KLHL7: variants seen among roughly 807,000 people sequenced by gnomAD.
The protein encoded by KLHL7 is kelch like family member 7, also known as kelch-like protein 7.
KLHL7 carries 44 observed loss-of-function variants against 67.4 expected under a neutral mutation model. That is an observed-to-expected ratio of 0.65 (90% CI 0.51 to 0.84). KLHL7 has a LOEUF of 0.84. Ranked by LOEUF, KLHL7 falls within the 40% of genes least tolerant of loss-of-function variation. KLHL7 has a pLI of 0.00. For synonymous variants in KLHL7, 252 were observed against 243.3 expected, an observed-to-expected ratio of 1.04 and a Z score of -0.33; for missense variants, 362 against 718.1, an observed-to-expected ratio of 0.50 and a Z score of 5.67.
chr7:23,132,370 C>T (rs909339765), intron 4 of KLHL7, among the ~76,000 whole-genome samples: 5 of 152,178 alleles, frequency 3.3e-5, no homozygotes. Context: ...GATGATATCT[C>T]ATTATAGTTT....
At chr7:23,145,829 C>T (rs762546518) in intron 6 of KLHL7, among the ~76,000 whole-genome samples, 39 of 152,348 alleles carry the variant, frequency 2.6e-4, no homozygotes, top group African/African-American at 6.5e-4. Flanking sequence ...CTGTCCGGCA[C>T]GAGTGATCCT....
At chr7:23,156,150 TA>T in intron 7 of KLHL7, 1 of 276,428 alleles carries the variant, frequency 3.6e-6, no homozygotes, top group Non-Finnish European at 7.3e-6. Flanking sequence ...GAACTACCAA[TA>T]AAAACATTTT....
intron 1 of KLHL7, among the ~76,000 whole-genome samples, chr7:23,110,222 T>C (rs1782808909): frequency 6.6e-6 from 1 of 152,178 alleles, no homozygotes; most frequent in South Asian, 2.1e-4. Context: ...TAAATAGAAG[T>C]CATTAGTCTA....
chr7:23,152,134 A>G lies in KLHL7; in HGVS notation c.861A>G (p.Arg287=). 6.2e-7 allele frequency: 1 copy of G among 1,613,948 alleles called. No homozygotes were observed. The highest frequency in any genetic ancestry group is 8.5e-7 in the Non-Finnish European group (1 of 1,179,816). The change falls in exon 7 of 11, where the codon AGA becomes AGG. Residue 287 remains arginine (R), a synonymous_variant. Transcript: ENST00000339077. ...AACTTGTAGATGGCACAAGACCTAG[A>G]AGAAAGAAACATGACTACCGCATAG... ...REELVDGTRP[R]RKKHDYRIAL...
intron 1 of KLHL7, among the ~76,000 whole-genome samples, chr7:23,114,007 A>G (rs1782987134): frequency 6.6e-6 from 1 of 152,228 alleles, no homozygotes; most frequent in Non-Finnish European, 1.5e-5. Flanking sequence ...CTGAAAGGAA[A>G]TGAGGCATCT....
chr7:23,123,409 CA>C (rs1470081575), intron 1 of KLHL7, among the ~76,000 whole-genome samples: 3 of 150,468 alleles, frequency 2.0e-5, no homozygotes, highest in African/African-American at 7.4e-5. Flanking sequence ...GTCAGGGTGT[CA>C]GGGGCACTGC....
intron 1 of KLHL7, among the ~76,000 whole-genome samples, chr7:23,116,176 T>A (rs1783079563): frequency 6.6e-6 from 1 of 152,232 alleles, no homozygotes; most frequent in Admixed American, 6.5e-5. Context: ...TAAGATCCTG[T>A]CATGCTGTGA....
rs1286775644 is a variant in KLHL7 at position 23,105,982 on chromosome 7, T to G, written c.-45T>G. 8.8e-6 allele frequency: 14 copies of G among 1,594,642 alleles called. No homozygotes were observed. Among genetic ancestry groups the G allele is most frequent in the Admixed American group, 5.3e-5 (3 of 56,852 alleles). On this transcript the variant is annotated 5_prime_UTR_variant, in exon 1 of 11. Transcript: ENST00000339077. ...CAGTGTGCCCAGAGAGTGCGACCCC[T>G]CGCCCGGCCCGGCGAGCCCCGGGCG...
chr7:23,125,264 C>A, intron 4 of KLHL7, 92 bp downstream of exon 4: 1 of 1,323,188 alleles, frequency 7.6e-7, no homozygotes, highest in Non-Finnish European at 1.1e-6. Context: ...TAAGTATCCG[C>A]ATTTAACCTT....
rs1289106265 is a variant in KLHL7 at position 23,143,884 on chromosome 7, G to A, written c.652G>A (p.Asp218Asn). The part of the protein sequence containing the change: ...YDAAVRWLKY[D>N]EPNRQPFMVD... ...TGCTGCAGTCAGGTGGTTGAAATAC[G>A]ATGAACCTAATCGCCAGCCATTTAT... The change falls in exon 6 of 11, where the codon GAT becomes AAT. Residue 218 changes from aspartate to asparagine, a missense_variant. Coordinates refer to ENST00000339077, the MANE Select transcript of KLHL7 (RefSeq NM_001031710.3). 6.2e-7 allele frequency: 1 copy of A among 1,614,120 alleles called. No individual in the cohort carries two copies. The highest frequency in any genetic ancestry group is 1.3e-5 in the African/African-American group (1 of 75,050).
intron 4 of KLHL7, among the ~76,000 whole-genome samples, chr7:23,126,560 C>A (rs1010623232): frequency 6.6e-6 from 1 of 152,154 alleles, no homozygotes; most frequent in African/African-American, 2.4e-5. Context: ...TGCTAAATGA[C>A]AAGAACGCAA....
At chr7:23,123,258 C>G (rs111373765) in intron 1 of KLHL7, among the ~76,000 whole-genome samples, 7 of 152,176 alleles carry the variant, frequency 4.6e-5, no homozygotes, top group African/African-American at 1.7e-4. Flanking sequence ...CATCTCCTCT[C>G]TGTATTCTGA....
intron 4 of KLHL7, among the ~76,000 whole-genome samples, chr7:23,134,640 T>C (rs1783913669): frequency 6.6e-6 from 1 of 152,184 alleles, no homozygotes; most frequent in Non-Finnish European, 1.5e-5. Flanking sequence ...TACTTGTTAT[T>C]GATATGTTCA....
chr7:23,123,382 G>C (rs951910376), intron 1 of KLHL7, among the ~76,000 whole-genome samples: 2 of 151,642 alleles, frequency 1.3e-5, no homozygotes, highest in South Asian at 4.2e-4. Context: ...AAAACTAATT[G>C]CTGTGTTTGA....
rs1234236098 is a variant in KLHL7 at position 23,140,842 on chromosome 7, C to T, written c.516C>T (p.His172=). The part of the protein sequence containing the change: ...KATADDFIHQ[H]FTEVYKTDEF... ...CTGCAGATGACTTTATTCATCAGCACTTTACTGAAGTTTACAAAACTGATG... is the reference window on the plus strand; with the variant it reads ...CTGCAGATGACTTTATTCATCAGCATTTTACTGAAGTTTACAAAACTGATG... Residue 172 remains histidine, a synonymous_variant, in exon 5 of 11, where the codon CAC becomes CAT. Coordinates refer to ENST00000339077, the MANE Select transcript of KLHL7 (RefSeq NM_001031710.3). 6.2e-7 allele frequency: 1 copy of T among 1,613,714 alleles called. No individual in the cohort carries two copies. The highest frequency in any genetic ancestry group is 1.3e-5 in the African/African-American group (1 of 75,046).
At chr7:23,149,272 A>C (rs1203007899) in intron 6 of KLHL7, among the ~76,000 whole-genome samples, 3 of 152,150 alleles carry the variant, frequency 2.0e-5, no homozygotes, top group Non-Finnish European at 4.4e-5. Flanking sequence ...AAAGATACCA[A>C]AGTGTCCCCC....
rs1258758117 is a variant in KLHL7 at position 23,174,092 on chromosome 7, G to A, written c.1555G>A (p.Val519Ile). 1 of 1,614,186 alleles carries A rather than the reference G, an allele frequency of 6.2e-7. No individual in the cohort carries two copies. The highest frequency in any genetic ancestry group is 8.5e-7 in the Non-Finnish European group (1 of 1,180,002). Residue 519 changes from valine to isoleucine, a missense_variant, in exon 11 of 11, where the codon GTA (valine) becomes ATA (isoleucine). Transcript: ENST00000339077. ...KMVSPMPWKG[V>I]TVKCAAVGSI... The stretch of plus-strand genomic sequence containing the variant: ...GGTCTCACCAATGCCATGGAAGGGT[G>A]TAACAGTGAAATGTGCAGCAGTTGG...
intron 1 of KLHL7, among the ~76,000 whole-genome samples, chr7:23,115,058 G>T (rs1398351203): frequency 6.6e-6 from 1 of 152,196 alleles, no homozygotes; most frequent in Non-Finnish European, 1.5e-5. Context: ...GCGTTTGCTT[G>T]AGTGTTTGGG....
At chr7:23,138,000 A>T (rs939413041) in intron 4 of KLHL7, among the ~76,000 whole-genome samples, 10 of 150,622 alleles carry the variant, frequency 6.6e-5, no homozygotes, top group Non-Finnish European at 1.0e-4. Context: ...ACATGGTAAA[A>T]CCCCACCTCT....
Sources: gnomAD v4.1 joint callset for allele counts (sites outside exome capture counted in the v4.1 genomes callset) on GRCh38, gnomAD v4.1.1 for gene constraint, MANE v1.5 for transcripts, NCBI Gene and HGNC (gene_info 2026-07-23, HGNC 2026-07-21) for gene names.